Variants in CRK observed in about 807,000 individuals in gnomAD.
The protein encoded by CRK is CRK proto-oncogene, adaptor protein.
CRK carries 4 observed loss-of-function variants against 29.8 expected under a neutral mutation model. That is an observed-to-expected ratio of 0.13 (90% CI 0.07 to 0.31). The LOEUF (loss-of-function observed/expected upper bound fraction) is 0.31, where lower values mean the gene tolerates loss of function less well. CRK is among the 10% of genes least tolerant of loss of function. The pLI is 1.00. For synonymous variants in CRK, 153 were observed against 164.9 expected (o/e 0.93, Z 0.55); for missense variants, 274 against 396.5 (o/e 0.69, Z 2.62).
intron 2 of CRK, among the ~76,000 whole-genome samples, chr17:1,432,650 G>C (rs1463979128): frequency 6.6e-6 from 1 of 151,628 alleles, no homozygotes. Flanking sequence ...GGTGGCGGGC[G>C]CCTGTAGTCC....
intron 1 of CRK, among the ~76,000 whole-genome samples, chr17:1,454,746 G>A (rs1204924512): frequency 6.6e-6 from 1 of 152,162 alleles, no homozygotes; most frequent in East Asian, 1.9e-4. Flanking sequence ...GAGGACTCCT[G>A]ATGCTGTTAC....
At position 1,444,605 on chromosome 17, in the gene CRK, G is replaced by A. The variant is rs1418988475; in HGVS notation, c.242-7450C>T. ...TTTGGGAAGCCGAAGCGGGGGGGGG[G>A]ATCACCTGAGATCGGGAGTTCGAGA... On this transcript the variant is annotated intron_variant, in intron 1 of 2. Coordinates refer to ENST00000300574, the MANE Select transcript of CRK (RefSeq NM_016823.4). Among the ~76,000 whole-genome samples the A allele has an allele frequency of 4.3e-5, 6 of 140,782 alleles. No individual in the cohort carries two copies. In the East Asian group the frequency reaches 8.4e-4, roughly 20 times the overall value. The allele number at this position is 140,782 out of a possible 152,430, so 92.4% of individuals were successfully genotyped here. A position where few individuals can be genotyped will look rare whatever the true frequency, so the allele number is the denominator to read the frequency against.
In CRK at chr17:1,449,285, C is replaced by G. The variant is rs111953680; in HGVS notation, c.241+6592G>C. Among the ~76,000 whole-genome samples, 28 of 152,264 alleles carry G rather than the reference C, an allele frequency of 1.8e-4. 1 individual carries two copies. Among genetic ancestry groups the G allele is most frequent in the African/African-American group, 6.5e-4 (27 of 41,570 alleles). On this transcript the variant is annotated intron_variant, in intron 1 of 2. Coordinates refer to ENST00000300574, the MANE Select transcript of CRK (RefSeq NM_016823.4). ...TGCACTCCACCCAGGCACCTACTCC[C>G]CAAGACAAACTGTTTCACCAGTTCC...
chr17:1,433,847 T>A (rs1319778290), intron 2 of CRK, among the ~76,000 whole-genome samples: 2 of 124,240 alleles, frequency 1.6e-5, no homozygotes, highest in African/African-American at 3.2e-5. Context: ...TTTTTTTTTT[T>A]AGATCACCTG....
At chr17:1,425,940 A>G (rs2073775309) in intron 2 of CRK, among the ~76,000 whole-genome samples, 1 of 152,234 alleles carries the variant, frequency 6.6e-6, no homozygotes. Flanking sequence ...CTGTAATCCC[A>G]GCACTTTGGG....
At chr17:1,448,034 C>T (rs1598304371) in intron 1 of CRK, among the ~76,000 whole-genome samples, 2 of 151,820 alleles carry the variant, frequency 1.3e-5, no homozygotes, top group Non-Finnish European at 2.9e-5. Flanking sequence ...GCCACTGGCT[C>T]GGGAGGCTGA....
Position 1,423,477 on chromosome 17 carries a change from T to A in CRK, c.*36A>T. ...GGCAGTTGGAAAAAAAAAAAAAAGA[T>A]TGTTCCCATCTGTCAGCAAAACTGT... On this transcript the variant is annotated 3_prime_UTR_variant, in exon 3 of 3. Transcript: ENST00000300574. 2 of 1,566,136 alleles carry A rather than the reference T, an allele frequency of 1.3e-6. No homozygotes were observed. The highest frequency in any genetic ancestry group is 1.7e-6 in the Non-Finnish European group (2 of 1,157,346).
chr17:1,441,300 C>T (rs1482786246), intron 1 of CRK, among the ~76,000 whole-genome samples: 2 of 152,060 alleles, frequency 1.3e-5, no homozygotes, highest in Admixed American at 1.3e-4. Flanking sequence ...GTCCAGCGAT[C>T]CTCTCACCTT....
chr17:1,426,757 C>T (rs1370976916), intron 2 of CRK, among the ~76,000 whole-genome samples: 5 of 151,746 alleles, frequency 3.3e-5, no homozygotes, highest in East Asian at 1.9e-4. Flanking sequence ...CAGCTACTTG[C>T]GAGGCTGAGG....
Position 1,450,463 on chromosome 17 carries a change from C to T in CRK, c.241+5414G>A, listed in dbSNP as rs547258770. Reference sequence around the variant, plus strand: ...CGGAGCTTTCAGTGAGCCGAGATCGCGCCACTGCCCTCCGGCCCGGCGTGG... The same window carrying T: ...CGGAGCTTTCAGTGAGCCGAGATCGTGCCACTGCCCTCCGGCCCGGCGTGG... On this transcript the variant is annotated intron_variant, in intron 1 of 2. Coordinates refer to ENST00000300574, the MANE Select transcript of CRK (RefSeq NM_016823.4). Among the ~76,000 whole-genome samples the T allele has an allele frequency of 1.1e-3, 166 of 151,944 alleles. 1 individual carries two copies. The highest frequency in any genetic ancestry group is 3.8e-3 in the African/African-American group (159 of 41,446).
intron 1 of CRK, among the ~76,000 whole-genome samples, chr17:1,441,909 G>A (rs1313170058): frequency 6.6e-6 from 1 of 152,074 alleles, no homozygotes; most frequent in Non-Finnish European, 1.5e-5. Context: ...AGGCTGGAGT[G>A]CAGTGGCATG....
At chr17:1,436,510 G>C in intron 2 of CRK, 110 bp downstream of exon 2, 1 of 1,189,300 alleles carries the variant, frequency 8.4e-7, no homozygotes, top group Non-Finnish European at 1.1e-6. Context: ...TTAGCGGCTT[G>C]CCATCTACAA....
chr17:1,434,938 G>T (rs1000109630), intron 2 of CRK, among the ~76,000 whole-genome samples: 1 of 151,876 alleles, frequency 6.6e-6, no homozygotes, highest in Non-Finnish European at 1.5e-5. Flanking sequence ...CCATTTTTTT[G>T]AGCAGTAAAG....
chr17:1,443,072 G>A (rs2073947756), intron 1 of CRK, among the ~76,000 whole-genome samples: 1 of 150,896 alleles, frequency 6.6e-6, no homozygotes, highest in Admixed American at 6.6e-5. Context: ...TCTCTCTCCT[G>A]GGTTCAAGTG....
intron 2 of CRK, among the ~76,000 whole-genome samples, chr17:1,432,613 T>C (rs2073854663): frequency 6.8e-6 from 1 of 147,532 alleles, no homozygotes. Flanking sequence ...TCATCTCTAC[T>C]AAAAATATAA....
At chr17:1,432,100 T>G (rs1420014578) in intron 2 of CRK, among the ~76,000 whole-genome samples, 1 of 152,190 alleles carries the variant, frequency 6.6e-6, no homozygotes, top group East Asian at 1.9e-4. Flanking sequence ...CTGTCCAGGC[T>G]GGTCCTCAGC....
chr17:1,437,683 T>C (rs1046553340), intron 1 of CRK, among the ~76,000 whole-genome samples: 19 of 151,560 alleles, frequency 1.3e-4, no homozygotes, highest in Admixed American at 8.6e-4. Context: ...AGACCAAATC[T>C]CACTGTGTCG....
chr17:1,449,215 T>C (rs1401689733), intron 1 of CRK, among the ~76,000 whole-genome samples: 1 of 152,112 alleles, frequency 6.6e-6, no homozygotes, highest in Non-Finnish European at 1.5e-5. Flanking sequence ...GGAGGCACCA[T>C]CTTATTTCCA....
chr17:1,431,141 C>A (rs918683259), intron 2 of CRK, among the ~76,000 whole-genome samples: 3 of 152,254 alleles, frequency 2.0e-5, no homozygotes, highest in African/African-American at 7.2e-5. Flanking sequence ...ACGTTTAGAG[C>A]ACATGAAAAT....
Sources: allele counts gnomAD v4.1 joint callset (sites outside exome capture counted in the v4.1 genomes callset), GRCh38; gene constraint gnomAD v4.1.1; transcripts MANE v1.5; gene names NCBI Gene and HGNC (gene_info 2026-07-23, HGNC 2026-07-21).